Variants in GFPT2 observed in about 807,000 individuals in gnomAD.
The protein encoded by GFPT2 is glutamine--fructose-6-phosphate transaminase 2.
GFPT2 carries 62 observed loss-of-function variants against 85.6 expected under a neutral mutation model. The observed-to-expected ratio is 0.72, with a 90% CI of 0.59 to 0.90. The LOEUF is 0.90. Ranked by LOEUF, GFPT2 falls within the 40% of genes least tolerant of loss-of-function variation. The pLI, the probability that GFPT2 is intolerant of heterozygous loss-of-function variation, is 0.00. For synonymous variants in GFPT2, 368 were observed against 344.5 expected (o/e 1.07, Z -0.75); for missense variants, 788 against 893.4 (o/e 0.88, Z 1.50).
chr5:180,308,116 C>A (rs1264923211), intron 15 of GFPT2, among the ~76,000 whole-genome samples: 1 of 152,048 alleles, frequency 6.6e-6, no homozygotes, highest in African/African-American at 2.4e-5. Flanking sequence ...ATTAGCCGGG[C>A]ATGGTGGCGG....
chr5:180,339,764 C>T (rs1561883337), intron 1 of GFPT2, among the ~76,000 whole-genome samples: 1 of 152,254 alleles, frequency 6.6e-6, no homozygotes, highest in African/African-American at 2.4e-5. Flanking sequence ...CTGGCTCTGG[C>T]CACCTCAGTG....
chr5:180,345,526 T>C (rs867963613), intron 1 of GFPT2, among the ~76,000 whole-genome samples: 1 of 152,254 alleles, frequency 6.6e-6, no homozygotes, highest in African/African-American at 2.4e-5. Context: ...CTCTGACCCA[T>C]TCTGCAGGTT....
intron 2 of GFPT2, among the ~76,000 whole-genome samples, chr5:180,337,621 A>G (rs149644741): frequency 9.7e-4 from 147 of 152,240 alleles, no homozygotes; most frequent in African/African-American, 3.4e-3. Flanking sequence ...CGACCGGAGA[A>G]GGGTCCCAAA....
At position 180,304,681 on chromosome 5, in the gene GFPT2, A is replaced by T. The variant is rs1763742191; in HGVS notation, c.1842+91T>A. On this transcript the variant is annotated intron_variant, in intron 17 of 18. Transcript: ENST00000253778. Reference sequence around the variant, plus strand: ...GTCACAGCCACTCACTGGCCAGACCATCCATCACTGGTACTGGCAGACAGT... The same window carrying T: ...GTCACAGCCACTCACTGGCCAGACCTTCCATCACTGGTACTGGCAGACAGT... 3 of 1,184,688 alleles carry T rather than the reference A, an allele frequency of 2.5e-6. No homozygotes were observed. The East Asian group carries it at 7.1e-5, about 28-fold the overall frequency. 73.4% of individuals were successfully genotyped at this position (1,184,688 alleles called of 1,614,324 possible). A position where few individuals can be genotyped will look rare whatever the true frequency, so the allele number is the denominator to read the frequency against.
chr5:180,336,702 T>C, intron 2 of GFPT2, 125 bp from the exon 3 acceptor site: 1 of 726,690 alleles, frequency 1.4e-6, no homozygotes, highest in South Asian at 1.5e-5. Flanking sequence ...TGGAGAGCTG[T>C]ACAGTTTTCA....
At chr5:180,315,326 C>T (rs1034625116) in intron 13 of GFPT2, among the ~76,000 whole-genome samples, 51 of 152,162 alleles carry the variant, frequency 3.4e-4, no homozygotes, top group Admixed American at 6.5e-4. Flanking sequence ...TACAGGCGCC[C>T]GCCACCACGC....
chr5:180,305,898 CCCA>C (rs1376679473), intron 16 of GFPT2, among the ~76,000 whole-genome samples: 1 of 152,064 alleles, frequency 6.6e-6, no homozygotes, highest in African/African-American at 2.4e-5. Context: ...CCCTGCACTC[CCCA>C]CCAAGACCAA....
intron 9 of GFPT2, 110 bp from the exon 10 acceptor site, chr5:180,319,066 G>T: frequency 1.1e-6 from 1 of 906,654 alleles, no homozygotes; most frequent in Non-Finnish European, 1.7e-6. Context: ...ATTTTAGGAG[G>T]GACAGAGAGA....
At chr5:180,321,594 C>T (rs535426119) in intron 9 of GFPT2, among the ~76,000 whole-genome samples, 22 of 152,326 alleles carry the variant, frequency 1.4e-4, no homozygotes, top group Non-Finnish European at 2.8e-4. Context: ...TACCGTGCCC[C>T]GCACACACTG....
At chr5:180,347,950 G>A (rs181256867) in intron 1 of GFPT2, among the ~76,000 whole-genome samples, 2 of 152,134 alleles carry the variant, frequency 1.3e-5, no homozygotes, top group East Asian at 3.9e-4. Flanking sequence ...TCCAAGCATC[G>A]GCTTCCCAAC....
chr5:180,320,487 T>C (rs1449756084), intron 9 of GFPT2, among the ~76,000 whole-genome samples: 2 of 152,090 alleles, frequency 1.3e-5, no homozygotes, highest in African/African-American at 2.4e-5. Flanking sequence ...GAGAAAACAC[T>C]CTCGGCCGGG....
At chr5:180,335,004 A>ACC (rs1232480844) in intron 4 of GFPT2, among the ~76,000 whole-genome samples, 1 of 151,980 alleles carries the variant, frequency 6.6e-6, no homozygotes, top group East Asian at 1.9e-4. Context: ...TGTCCTGGCG[A>ACC]CCCATGCAAG....
At chr5:180,304,979 T>C (rs1432250813) in intron 16 of GFPT2, 40 bp from the exon 17 acceptor site, 2 of 1,458,980 alleles carry the variant, frequency 1.4e-6, no homozygotes, top group Non-Finnish European at 1.9e-6. Context: ...ACTGGGCAGA[T>C]GGGGCTGGAG....
intron 15 of GFPT2, among the ~76,000 whole-genome samples, chr5:180,308,900 C>A (rs888870620): frequency 6.7e-6 from 1 of 150,036 alleles, no homozygotes; most frequent in East Asian, 2.0e-4. Flanking sequence ...GACAGAGTCT[C>A]ACTCTGTCAC....
rs1260207985 is a variant in GFPT2 at position 180,314,007 on chromosome 5, C to T, written c.1274-43G>A. ...TCTCAGTGCCGCGCTCCGCCAGCCT[C>T]GGCCCCACCCCAAACCCCTTCCTCC... On this transcript the variant is annotated intron_variant, in intron 13 of 18. Transcript: ENST00000253778. The T allele has an allele frequency of 4.5e-6, 7 of 1,539,242 alleles. No homozygotes were observed. The South Asian group carries it at 4.7e-5, about 10-fold the overall frequency.
rs762694066 is a variant in GFPT2 at position 180,330,729 on chromosome 5, T to C, written c.505A>G (p.Thr169Ala). Reference protein sequence around the residue: ...NRETEDITFSTLVERVIQQLE... With the variant: ...NRETEDITFSALVERVIQQLE... ...TGCTGAATGACTCTCTCGACCAACG[T>C]TGAAAACGTAATGTCCTCAGTTTCT... The change falls in exon 6 of 19, where the codon ACG becomes GCG. Residue 169 changes from threonine to alanine, a missense_variant. By Grantham distance (58) the Thr-to-Ala change is moderately conservative. Transcript: ENST00000253778. This position sits in a 1 kb window ranked among gnomAD's most constrained non-coding sequence, Gnocchi z 4.4. 3 of 1,613,242 alleles carry C rather than the reference T, an allele frequency of 1.9e-6. No homozygotes were observed. Among genetic ancestry groups the C allele is most frequent in the Admixed American group, 1.7e-5 (1 of 60,016 alleles).
intron 16 of GFPT2, 151 bp downstream of exon 16, chr5:180,307,025 G>T: frequency 1.6e-6 from 1 of 621,804 alleles, no homozygotes; most frequent in African/African-American, 1.8e-5. Flanking sequence ...CTGGTGGAGA[G>T]CTGGTGCTCA....
chr5:180,310,659 C>A (rs77406079), intron 15 of GFPT2, among the ~76,000 whole-genome samples: 47,308 of 151,400 alleles, frequency 0.31, 7,612 homozygotes, highest in East Asian at 0.45. Context: ...GATCCGCCCA[C>A]TTCAGCCTCC....
chr5:180,328,567 G>A lies in GFPT2; in HGVS notation c.535-229C>T, dbSNP rs992289884. 2.0e-5 allele frequency among the ~76,000 whole-genome samples: 3 copies of A among 152,228 alleles called. No homozygotes were observed. The highest frequency in any genetic ancestry group is 2.9e-5 in the Non-Finnish European group (2 of 68,042). ...AGAACATGTGAATTCCACGGTGAGCGATGTGCGGCTTGCCCAGGCCCACAG... is the reference window on the plus strand; with the variant it reads ...AGAACATGTGAATTCCACGGTGAGCAATGTGCGGCTTGCCCAGGCCCACAG... On this transcript the variant is annotated intron_variant, in intron 6 of 18. Coordinates refer to ENST00000253778, the MANE Select transcript of GFPT2 (RefSeq NM_005110.4). The surrounding 1 kb of genome is among the most constrained non-coding windows in gnomAD (Gnocchi z 5.4).
Sources: allele counts gnomAD v4.1 joint callset (sites outside exome capture counted in the v4.1 genomes callset), GRCh38; gene constraint gnomAD v4.1.1; non-coding constraint Gnocchi (gnomAD v3.1); transcripts MANE v1.5; gene names NCBI Gene and HGNC (gene_info 2026-07-23, HGNC 2026-07-21).